The following CEP70 variants were observed in gnomAD, a reference collection of about 807,000 sequenced individuals.
CEP70 encodes the protein centrosomal protein 70.
In CEP70, 70 loss-of-function variants were observed where a neutral mutation model predicts 90.9. The ratio of observed to expected loss-of-function variants is 0.77; its 90% CI spans 0.64 to 0.94. The LOEUF (loss-of-function observed/expected upper bound fraction) is 0.94. CEP70 is among the 40% of genes least tolerant of loss of function. The pLI is 0.00. For missense variants in CEP70, 648 were observed against 669.0 expected (o/e 0.97, Z 0.35); for synonymous variants, 220 against 228.3 (o/e 0.96, Z 0.33).
At chr3:138,531,195 A>T (rs2037781947) in intron 8 of CEP70, among the ~76,000 whole-genome samples, 1 of 152,166 alleles carries the variant, frequency 6.6e-6, no homozygotes, top group Non-Finnish European at 1.5e-5. Flanking sequence ...TTACAAATTC[A>T]TGACAACTAA....
intron 6 of CEP70, among the ~76,000 whole-genome samples, chr3:138,549,034 G>A (rs905718896): frequency 9.2e-5 from 14 of 152,266 alleles, no homozygotes; most frequent in Admixed American, 2.0e-4. Context: ...GGTAGAGGAA[G>A]GAATGGGAAA....
chr3:138,581,625 C>T (rs557569356), intron 2 of CEP70, among the ~76,000 whole-genome samples: 1 of 144,960 alleles, frequency 6.9e-6, no homozygotes, highest in Admixed American at 7.2e-5. Context: ...ATCGCCTGAA[C>T]CTGGGAGGTA....
At chr3:138,505,161 T>C in intron 13 of CEP70, 134 bp downstream of exon 13, 1 of 588,430 alleles carries the variant, frequency 1.7e-6, no homozygotes, top group South Asian at 4.9e-5. Flanking sequence ...TAATAAGCTT[T>C]TTTAGCTTTA....
chr3:138,552,642 T>C (rs1268759449), intron 6 of CEP70, among the ~76,000 whole-genome samples: 1 of 152,048 alleles, frequency 6.6e-6, no homozygotes, highest in African/African-American at 2.4e-5. Context: ...AATAGTGACA[T>C]AACCTATCAA....
In CEP70 at chr3:138,498,080, T is replaced by A; in HGVS notation, c.1683A>T (p.Glu561Asp). The change falls in exon 17 of 18, where the codon GAA (glutamate) becomes GAT (aspartate). Residue 561 changes from glutamate to aspartate, a missense_variant. Physicochemically the swap from Glu to Asp is conservative, Grantham distance 45. Transcript: ENST00000264982. ...SIIYKLEEHEEFFPAFQAFTN... is the reference protein window; with the variant it reads ...SIIYKLEEHEDFFPAFQAFTN... ...TAAATGCCTGAAATGCTGGGAAAAA[T>A]TCCTCGTGTTCTTCCAATTTGTAGA... The A allele has an allele frequency of 6.2e-7, 1 of 1,613,316 alleles. No homozygotes were observed.
At chr3:138,572,959 A>G in intron 2 of CEP70, 27 bp from the exon 3 acceptor site, 1 of 1,546,000 alleles carries the variant, frequency 6.5e-7, no homozygotes. Flanking sequence ...AGAAACAGAA[A>G]TTGGCAATTA....
At chr3:138,540,234 C>T (rs1252513951) in intron 6 of CEP70, among the ~76,000 whole-genome samples, 1 of 152,076 alleles carries the variant, frequency 6.6e-6, no homozygotes, top group Admixed American at 6.5e-5. Context: ...GTGGCTCATG[C>T]CTGTAATCCC....
intron 17 of CEP70, among the ~76,000 whole-genome samples, chr3:138,495,445 C>T (rs897109923): frequency 5.3e-5 from 8 of 152,156 alleles, no homozygotes; most frequent in African/African-American, 1.2e-4. Flanking sequence ...CAGGTAGAGG[C>T]GTCTCCTCCC....
chr3:138,547,416 C>T (rs1056229261), intron 6 of CEP70, among the ~76,000 whole-genome samples: 2 of 152,180 alleles, frequency 1.3e-5, no homozygotes, highest in Non-Finnish European at 2.9e-5. Flanking sequence ...TAACTGTGCA[C>T]TATCACTCAC....
chr3:138,498,330 A>G (rs1000807365), intron 16 of CEP70, among the ~76,000 whole-genome samples: 5 of 151,582 alleles, frequency 3.3e-5, no homozygotes, highest in African/African-American at 9.7e-5. Context: ...AAATTCATAT[A>G]TAACATTCTT....
At chr3:138,521,569 G>A (rs559534414) in intron 11 of CEP70, among the ~76,000 whole-genome samples, 7 of 146,926 alleles carry the variant, frequency 4.8e-5, no homozygotes, top group African/African-American at 7.6e-5. Flanking sequence ...GCCTCTGCCC[G>A]GCCGCCCTGT....
chr3:138,583,565 G>C (rs1033721870), intron 2 of CEP70, among the ~76,000 whole-genome samples: 5 of 151,996 alleles, frequency 3.3e-5, no homozygotes, highest in African/African-American at 1.2e-4. Flanking sequence ...CACAAAACAA[G>C]TGTTAAAACA....
At chr3:138,498,836 C>T (rs1450625050) in intron 16 of CEP70, among the ~76,000 whole-genome samples, 1 of 151,778 alleles carries the variant, frequency 6.6e-6, no homozygotes, top group African/African-American at 2.4e-5. Flanking sequence ...CACTTGAGGT[C>T]AGGAGTTCGA....
chr3:138,568,992 A>C (rs1215469681), intron 6 of CEP70, among the ~76,000 whole-genome samples: 1 of 149,130 alleles, frequency 6.7e-6, no homozygotes, highest in African/African-American at 2.5e-5. Context: ...TAAAAAAACA[A>C]ACAAAAAAAA....
chr3:138,563,201 A>C (rs2040536601), intron 6 of CEP70, among the ~76,000 whole-genome samples: 1 of 152,148 alleles, frequency 6.6e-6, no homozygotes, highest in Non-Finnish European at 1.5e-5. Flanking sequence ...TCATAAAGTA[A>C]AGTTCTTAGA....
At chr3:138,503,775 ACAAT>A (rs2034729861) in intron 13 of CEP70, among the ~76,000 whole-genome samples, 1 of 152,328 alleles carries the variant, frequency 6.6e-6, no homozygotes, top group Admixed American at 6.5e-5. Flanking sequence ...CTTGGGGGCT[ACAAT>A]CAGAGTGTTC....
chr3:138,546,721 C>T (rs1001532964), intron 6 of CEP70, among the ~76,000 whole-genome samples: 1 of 152,078 alleles, frequency 6.6e-6, no homozygotes, highest in African/African-American at 2.4e-5. Flanking sequence ...TGCATTCCAG[C>T]CTGAGTGACA....
At chr3:138,500,696 T>G in intron 14 of CEP70, 39 bp downstream of exon 14, 1 of 1,532,152 alleles carries the variant, frequency 6.5e-7, no homozygotes, top group Non-Finnish European at 8.8e-7. Context: ...GTTTTTGAGA[T>G]AAGAAACATT....
intron 6 of CEP70, among the ~76,000 whole-genome samples, chr3:138,557,197 G>A (rs966960137): frequency 5.9e-5 from 9 of 152,106 alleles, no homozygotes; most frequent in East Asian, 5.8e-4. Flanking sequence ...GCTCTGTTCC[G>A]CCCAGCTCAC....
Sources: gnomAD v4.1 joint callset for allele counts (sites outside exome capture counted in the v4.1 genomes callset) on GRCh38, gnomAD v4.1.1 for gene constraint, MANE v1.5 for transcripts, NCBI Gene and HGNC (gene_info 2026-07-23, HGNC 2026-07-21) for gene names.